Variants in TNFRSF19 observed in about 807,000 individuals in gnomAD.
TNFRSF19 encodes the protein tumor necrosis factor receptor superfamily member 19.
In TNFRSF19, 27 loss-of-function variants were observed where a neutral mutation model predicts 46.4. The observed-to-expected ratio is 0.58, with a 90% CI of 0.43 to 0.80. The LOEUF (loss-of-function observed/expected upper bound fraction) is 0.80, where lower values mean the gene tolerates loss of function less well. Ranked by LOEUF, TNFRSF19 falls within the 30% of genes least tolerant of loss-of-function variation. The pLI is 0.00. For missense variants in TNFRSF19, 511 were observed against 530.8 expected, an observed-to-expected ratio of 0.96 and a Z score of 0.37; for synonymous variants, 204 against 205.0, an observed-to-expected ratio of 1.00 and a Z score of 0.04.
In TNFRSF19 at chr13:23,613,708, C is replaced by T. The variant is rs755830876; in HGVS notation, c.181-2159C>T. ...GGTGGAGACCACCCCCAGAAGGTCACGTGCACCTGTGCCTTGATCCCAAGG... is the reference window on the plus strand; with the variant it reads ...GGTGGAGACCACCCCCAGAAGGTCATGTGCACCTGTGCCTTGATCCCAAGG... On this transcript the variant is annotated intron_variant, in intron 3 of 9. Transcript: ENST00000248484. 1.1e-4 allele frequency among the ~76,000 whole-genome samples: 16 copies of T among 152,228 alleles called. No homozygotes were observed. The East Asian group carries it at 2.5e-3, about 24-fold the overall frequency.
chr13:23,669,358 C>T (rs1431758544), intron 9 of TNFRSF19: 1 of 1,241,456 alleles, frequency 8.1e-7, no homozygotes, highest in Non-Finnish European at 1.0e-6. Context: ...ACAGCACCTG[C>T]TGCCTCCTTC....
chr13:23,606,545 C>T (rs892502397), intron 3 of TNFRSF19, among the ~76,000 whole-genome samples: 2 of 152,186 alleles, frequency 1.3e-5, no homozygotes, highest in Non-Finnish European at 2.9e-5. Flanking sequence ...CTACAGAGCA[C>T]CCAGCTCCTG....
Position 23,573,463 on chromosome 13 carries a change from A to G in TNFRSF19, c.-35+2615A>G, listed in dbSNP as rs553636480. Among the ~76,000 whole-genome samples the G allele has an allele frequency of 3.5e-5, 5 of 141,124 alleles. No homozygotes were observed. In the East Asian group the frequency reaches 7.8e-4, roughly 22 times the overall value. 92.6% of individuals were successfully genotyped at this position (141,124 alleles called of 152,430 possible). A position where few individuals can be genotyped will look rare whatever the true frequency, so the allele number is the denominator to read the frequency against. ...ATGCATCAATGTGATGTGGAATTAT[A>G]TATGTATTTGTGTGTTTGCCTCTGT... On this transcript the variant is annotated intron_variant, in intron 1 of 9. Transcript: ENST00000248484.
At position 23,596,424 on chromosome 13, in the gene TNFRSF19, C is replaced by CA. The variant is rs35394038; in HGVS notation, c.180+2977dup. Among the ~76,000 whole-genome samples, 808 of 151,064 alleles carry CA rather than the reference C, an allele frequency of 5.3e-3. 11 individuals are homozygous for CA. Among genetic ancestry groups the CA allele is most frequent in the Non-Finnish European group, 3.6e-3 (244 of 67,674 alleles). On this transcript the variant is annotated intron_variant, in intron 3 of 9. Coordinates refer to ENST00000248484, the MANE Select transcript of TNFRSF19 (RefSeq NM_148957.4). ...GAATATTTACTAAGCAAATGGAAAG[C>CA]AAAAAAAAGCAGGGGTTGCAATCCT...
chr13:23,662,610 T>G (rs9553024), intron 7 of TNFRSF19, among the ~76,000 whole-genome samples: 127,029 of 152,166 alleles, frequency 0.83, 53,412 homozygotes, highest in Admixed American at 0.89. Context: ...TCTGTACATT[T>G]GTTTGGGCAG....
At chr13:23,577,854 AC>A (rs2138137140) in intron 1 of TNFRSF19, among the ~76,000 whole-genome samples, 1 of 152,036 alleles carries the variant, frequency 6.6e-6, no homozygotes, top group South Asian at 2.1e-4. Flanking sequence ...ACAGTGAGGA[AC>A]CTCCTGTGAC....
At chr13:23,636,486 G>A (rs1275716225) in intron 5 of TNFRSF19, among the ~76,000 whole-genome samples, 1 of 152,158 alleles carries the variant, frequency 6.6e-6, no homozygotes, top group African/African-American at 2.4e-5. Flanking sequence ...TATCTTGAAT[G>A]CTAAGATATC....
At chr13:23,662,295 C>G (rs888629549) in intron 7 of TNFRSF19, among the ~76,000 whole-genome samples, 1 of 151,786 alleles carries the variant, frequency 6.6e-6, no homozygotes, top group African/African-American at 2.4e-5. Flanking sequence ...GGAGTCTCTC[C>G]CTATTGCTTT....
chr13:23,584,627 T>TAA (rs67871815), intron 1 of TNFRSF19, among the ~76,000 whole-genome samples: 12 of 137,204 alleles, frequency 8.7e-5, no homozygotes, highest in Admixed American at 2.2e-4. Flanking sequence ...AAGTTTTATT[T>TAA]AAAAAAAAAA....
At chr13:23,573,487 G>C (rs2138127179) in intron 1 of TNFRSF19, among the ~76,000 whole-genome samples, 1 of 151,736 alleles carries the variant, frequency 6.6e-6, no homozygotes, top group Non-Finnish European at 1.5e-5. Flanking sequence ...GTTTGCCTCT[G>C]TGTGTGTGTG....
intron 3 of TNFRSF19, among the ~76,000 whole-genome samples, chr13:23,594,942 G>A (rs1879607708): frequency 2.0e-5 from 3 of 152,232 alleles, no homozygotes; most frequent in Admixed American, 2.0e-4. Flanking sequence ...TTGCTGTTCT[G>A]CAGCCTCTGC....
intron 1 of TNFRSF19, among the ~76,000 whole-genome samples, chr13:23,579,063 A>G (rs3814790): frequency 0.17 from 25,728 of 152,092 alleles, 2,535 homozygotes; most frequent in Middle Eastern, 0.24. Flanking sequence ...CCCCGGCGGA[A>G]AGGAACCCTC....
intron 4 of TNFRSF19, among the ~76,000 whole-genome samples, chr13:23,617,571 G>A (rs1338200113): frequency 2.6e-5 from 4 of 152,166 alleles, no homozygotes; most frequent in African/African-American, 7.2e-5. Flanking sequence ...AGATAGAGTG[G>A]AGCCAAGAGT....
intron 1 of TNFRSF19, among the ~76,000 whole-genome samples, chr13:23,576,394 A>C (rs959975836): frequency 3.6e-4 from 55 of 152,236 alleles, no homozygotes; most frequent in African/African-American, 1.3e-3. Flanking sequence ...CGGCCTCCCA[A>C]AGTGCCTGGA....
chr13:23,637,076 G>A (rs548458480), intron 5 of TNFRSF19, among the ~76,000 whole-genome samples: 14 of 152,050 alleles, frequency 9.2e-5, no homozygotes, highest in Admixed American at 5.9e-4. Context: ...AGTGAAACAC[G>A]TATTTGAAAG....
chr13:23,672,943 A>T (rs940916615), intron 9 of TNFRSF19, among the ~76,000 whole-genome samples: 2 of 152,260 alleles, frequency 1.3e-5, no homozygotes, highest in Admixed American at 1.3e-4. Context: ...CAGATAAAGA[A>T]TGGTACTATT....
At chr13:23,578,195 G>A (rs1878099037) in intron 1 of TNFRSF19, among the ~76,000 whole-genome samples, 1 of 152,200 alleles carries the variant, frequency 6.6e-6, no homozygotes. Context: ...TGTGCACTGA[G>A]GGCTGGAGTC....
intron 1 of TNFRSF19, 95 bp from the exon 2 acceptor site, chr13:23,590,055 C>T: frequency 3.3e-5 from 16 of 481,886 alleles, no homozygotes; most frequent in South Asian, 1.1e-4. Context: ...TATTTATTAC[C>T]TAGTCTATAT....
Position 23,593,428 on chromosome 13 carries a change from G to A in TNFRSF19, c.153G>A (p.Gln51=). The A allele has an allele frequency of 1.2e-6, 2 of 1,603,798 alleles. No individual in the cohort carries two copies. The highest frequency in any genetic ancestry group is 1.7e-6 in the Non-Finnish European group (2 of 1,177,356). ...DRSGNCVPCN[Q]CGPGMELSKE... ...CTGGAAACTGTGTTCCCTGCAACCA[G>A]TGTGGGCCAGGCATGGAGTTGTCTA... The change falls in exon 3 of 10, where the codon CAG becomes CAA. Residue 51 remains glutamine, a synonymous_variant. Coordinates refer to ENST00000248484, the MANE Select transcript of TNFRSF19 (RefSeq NM_148957.4).
Sources: gnomAD v4.1 joint callset for allele counts (sites outside exome capture counted in the v4.1 genomes callset) on GRCh38, gnomAD v4.1.1 for gene constraint, MANE v1.5 for transcripts, NCBI Gene and HGNC (gene_info 2026-07-23, HGNC 2026-07-21) for gene names.